The following RPS6KA2 variants were observed in gnomAD, a reference collection of about 807,000 sequenced individuals.
The protein encoded by RPS6KA2 is ribosomal protein S6 kinase alpha-2.
In RPS6KA2, 42 loss-of-function variants were observed where a neutral mutation model predicts 91.8. The observed-to-expected ratio is 0.46, with a 90% CI of 0.36 to 0.59. RPS6KA2 has a LOEUF of 0.59. RPS6KA2 is among the 20% of genes least tolerant of loss of function. The pLI is 0.00. For synonymous variants in RPS6KA2, 414 were observed against 393.6 expected (o/e 1.05, Z -0.61); for missense variants, 798 against 978.5 (o/e 0.82, Z 2.46).
chr6:166,862,354 G>C (rs959957567), exon 1 of RPS6KA2: 90 of 1,435,006 alleles, frequency 6.3e-5, no homozygotes, highest in Admixed American at 2.6e-5. Flanking sequence ...CGCGGGGCCT[G>C]CGCCGGCCGG....
At chr6:166,488,792 C>A (rs1288091282) in intron 10 of RPS6KA2, 41 bp downstream of exon 10, 3 of 1,513,484 alleles carry the variant, frequency 2.0e-6, no homozygotes, top group Non-Finnish European at 2.7e-6. Context: ...CGGGGCAGCG[C>A]CCTGCACGTT....
chr6:166,718,984 T>G (rs1300656873), intron 2 of RPS6KA2, among the ~76,000 whole-genome samples: 1 of 152,216 alleles, frequency 6.6e-6, no homozygotes, highest in African/African-American at 2.4e-5. Context: ...TAAAGGTTAT[T>G]GACTTTGACA....
chr6:166,682,809 C>T (rs1382228132), intron 2 of RPS6KA2, among the ~76,000 whole-genome samples: 3 of 152,210 alleles, frequency 2.0e-5, no homozygotes, highest in Non-Finnish European at 4.4e-5. Context: ...CCACCACCTA[C>T]CTCAGTAAAG....
chr6:166,726,858 G>A lies in RPS6KA2; in HGVS notation c.123+131342C>T, dbSNP rs1025109008. On this transcript the variant is annotated intron_variant, in intron 2 of 21. Coordinates refer to the RPS6KA2 transcript ENST00000503859. This position sits in a 1 kb window ranked among gnomAD's most constrained non-coding sequence, Gnocchi z 4.4. Reference sequence around the variant, plus strand: ...ACGGGTCTCAGGGAGTGTGTCTGGCGGGTGGGGAGGAATCCCAGGCCTGGA... The same window carrying A: ...ACGGGTCTCAGGGAGTGTGTCTGGCAGGTGGGGAGGAATCCCAGGCCTGGA... 5.9e-5 allele frequency among the ~76,000 whole-genome samples: 9 copies of A among 152,234 alleles called. No individual in the cohort carries two copies. Among genetic ancestry groups the A allele is most frequent in the East Asian group, 1.9e-4 (1 of 5,178 alleles).
chr6:166,748,499 G>A (rs1244172154), intron 2 of RPS6KA2, among the ~76,000 whole-genome samples: 2 of 151,218 alleles, frequency 1.3e-5, no homozygotes, highest in African/African-American at 4.9e-5. Context: ...GGGCAGAGGG[G>A]GCAGATCAGC....
At chr6:166,758,171 G>A (rs938749396) in intron 2 of RPS6KA2, among the ~76,000 whole-genome samples, 2 of 152,212 alleles carry the variant, frequency 1.3e-5, no homozygotes, top group Non-Finnish European at 2.9e-5. Flanking sequence ...GGCGTAGGAG[G>A]AAGGTGAATG....
chr6:166,763,467 C>G (rs571409989), intron 2 of RPS6KA2, among the ~76,000 whole-genome samples: 1 of 152,114 alleles, frequency 6.6e-6, no homozygotes, highest in Admixed American at 6.5e-5. Flanking sequence ...TGGGAGAGAG[C>G]GGCAATGAGA....
At chr6:166,534,221 C>CAAA (rs34585369) in intron 2 of RPS6KA2, among the ~76,000 whole-genome samples, 295 of 59,158 alleles carry the variant, frequency 5.0e-3, no homozygotes, top group Non-Finnish European at 6.5e-3. Context: ...GACTCTGTCT[C>CAAA]AAAAAAAAAA....
At chr6:166,549,588 T>C (rs1033452986) in intron 1 of RPS6KA2, among the ~76,000 whole-genome samples, 4 of 152,216 alleles carry the variant, frequency 2.6e-5, no homozygotes, top group African/African-American at 9.6e-5. Flanking sequence ...TTACATATTT[T>C]TTGAAATGCA....
At chr6:166,538,820 G>T in intron 1 of RPS6KA2, 36 bp from the exon 2 acceptor site, 1 of 1,166,558 alleles carries the variant, frequency 8.6e-7, no homozygotes, top group Non-Finnish European at 1.3e-6. Flanking sequence ...AACACACCGC[G>T]AGGAGTCCCT....
chr6:166,480,479 T>TTATATATATATATATATATATATATA (rs3066214), intron 10 of RPS6KA2, among the ~76,000 whole-genome samples: 8 of 99,870 alleles, frequency 8.0e-5, no homozygotes, highest in African/African-American at 2.9e-4. Context: ...GATTGTGATT[T>TTATATATATATATATATATATATATA]TATATATATA....
chr6:166,657,628 T>A (rs1384043199), intron 2 of RPS6KA2, among the ~76,000 whole-genome samples: 2 of 152,238 alleles, frequency 1.3e-5, no homozygotes, highest in East Asian at 3.9e-4. Flanking sequence ...GACAGATGAT[T>A]AAAAGGACAG....
intron 11 of RPS6KA2, chr6:166,463,232 TG>T (rs1409843528): frequency 6.6e-6 from 1 of 152,244 alleles, no homozygotes; most frequent in African/African-American, 2.4e-5. Flanking sequence ...TTTGAGGCTT[TG>T]GGGGAGAAGT....
chr6:166,655,074 C>T (rs1345977033), intron 2 of RPS6KA2, among the ~76,000 whole-genome samples: 2 of 152,204 alleles, frequency 1.3e-5, no homozygotes, highest in Admixed American at 1.3e-4. Context: ...CCACCGCAAC[C>T]CCAAACTTTA....
intron 1 of RPS6KA2, among the ~76,000 whole-genome samples, chr6:166,860,015 C>T (rs1781007385): frequency 6.6e-6 from 1 of 152,194 alleles, no homozygotes; most frequent in East Asian, 1.9e-4. Flanking sequence ...CTCCATATAG[C>T]TCTGCCACAT....
chr6:166,583,179 A>G (rs576635073), intron 1 of RPS6KA2, among the ~76,000 whole-genome samples: 1 of 152,344 alleles, frequency 6.6e-6, no homozygotes, highest in South Asian at 2.1e-4. Context: ...GATCCTAGAA[A>G]CAACCAAATT....
At chr6:166,743,018 G>A (rs1489521030) in intron 2 of RPS6KA2, among the ~76,000 whole-genome samples, 1 of 152,216 alleles carries the variant, frequency 6.6e-6, no homozygotes. Flanking sequence ...AGCAGCTAGC[G>A]CACTTCCCCA....
chr6:166,744,420 G>A (rs921781464), intron 2 of RPS6KA2, among the ~76,000 whole-genome samples: 1 of 152,206 alleles, frequency 6.6e-6, no homozygotes, highest in South Asian at 2.1e-4. Context: ...GAGCGTTGCT[G>A]CCCGCTGAGG....
intron 19 of RPS6KA2, among the ~76,000 whole-genome samples, chr6:166,416,227 TCAC>T (rs1384192630): frequency 6.6e-6 from 1 of 151,606 alleles, no homozygotes; most frequent in African/African-American, 2.4e-5. Context: ...GCCATCATCT[TCAC>T]CACCACCTCC....
Sources: gnomAD v4.1 joint callset for allele counts (sites outside exome capture counted in the v4.1 genomes callset) on GRCh38, gnomAD v4.1.1 for gene constraint, Gnocchi (gnomAD v3.1) non-coding constraint, MANE v1.5 for transcripts, NCBI Gene and HGNC (gene_info 2026-07-23, HGNC 2026-07-21) for gene names.